Variants in TOP1 observed in about 807,000 individuals in gnomAD.
TOP1 encodes DNA topoisomerase 1.
Under a neutral mutation model 111.1 loss-of-function variants are expected in TOP1, and 10 were observed. The ratio of observed to expected loss-of-function variants is 0.09; its 90% CI spans 0.06 to 0.15. TOP1 has a LOEUF of 0.15. Among genes scored for constraint, TOP1 ranks in the 10% least tolerant of loss-of-function variants. The pLI, the probability that TOP1 is intolerant of heterozygous loss-of-function variation, is 1.00. For missense variants in TOP1, 474 were observed against 926.7 expected, an observed-to-expected ratio of 0.51 and a Z score of 6.34; for synonymous variants, 271 against 302.9, an observed-to-expected ratio of 0.89 and a Z score of 1.10.
chr20:41,077,861 T>C (rs1447724226), intron 5 of TOP1, among the ~76,000 whole-genome samples: 3 of 151,846 alleles, frequency 2.0e-5, no homozygotes, highest in African/African-American at 7.3e-5. Flanking sequence ...TTATTTCGAA[T>C]AGAGAAGGTT....
chr20:41,040,577 A>G (rs1448533673), intron 2 of TOP1, among the ~76,000 whole-genome samples: 1 of 152,088 alleles, frequency 6.6e-6, no homozygotes, highest in African/African-American at 2.4e-5. Flanking sequence ...GGCACCCCAC[A>G]CTGAGAAGTC....
rs201329260 is a variant in TOP1 at position 41,121,570 on chromosome 20, G to GT, written c.1951-117dup. 2,611 of 736,094 alleles carry GT rather than the reference G, an allele frequency of 3.5e-3. 26 individuals are homozygous for GT. The highest frequency in any genetic ancestry group is 0.028 in the African/African-American group (1,592 of 56,790). The allele number at this position is 736,094 out of a possible 1,614,324, so 45.6% of individuals were successfully genotyped here. On this transcript the variant is annotated intron_variant, in intron 18 of 20. Transcript: ENST00000361337. The surrounding 1 kb of genome is among the most constrained non-coding windows in gnomAD (Gnocchi z 4.2). ...TCCCTGCCTTCATGAAGCCACCCTT[G>GT]TTTTTTTTTATCTGACAAACCACTG...
rs772797218 is a variant in TOP1, at chr20:41,079,105, A to C, written c.336-980A>C. Among the ~76,000 whole-genome samples the C allele has an allele frequency of 2.0e-5, 3 of 152,240 alleles. No homozygotes were observed. Among genetic ancestry groups the C allele is most frequent in the Non-Finnish European group, 4.4e-5 (3 of 68,038 alleles). ...GGGTGCTAAAATAAGTTCTTTAAAC[A>C]TTCAAATTCTATCACAAGCAAGGGG... On this transcript the variant is annotated intron_variant, in intron 5 of 20. Coordinates refer to ENST00000361337, the MANE Select transcript of TOP1 (RefSeq NM_003286.4). The surrounding 1 kb of genome is among the most constrained non-coding windows in gnomAD (Gnocchi z 4.0).
At chr20:41,042,433 C>T (rs754438691) in intron 2 of TOP1, among the ~76,000 whole-genome samples, 16 of 152,038 alleles carry the variant, frequency 1.1e-4, no homozygotes, top group Admixed American at 3.3e-4. Context: ...GTTACTTTTT[C>T]GGATTGGGTG....
chr20:41,063,390 G>T (rs2033569369), intron 3 of TOP1, among the ~76,000 whole-genome samples: 1 of 152,196 alleles, frequency 6.6e-6, no homozygotes, highest in Non-Finnish European at 1.5e-5. Flanking sequence ...GAACAGAGCT[G>T]CAGTGAACAT....
intron 8 of TOP1, among the ~76,000 whole-genome samples, chr20:41,088,679 G>T (rs985999875): frequency 4.6e-5 from 7 of 152,026 alleles, no homozygotes; most frequent in African/African-American, 1.7e-4. Flanking sequence ...TCTCTATTTG[G>T]AGAGTAATAG....
At chr20:41,081,391 G>A (rs1373982709) in intron 7 of TOP1, 151 bp downstream of exon 7, 2 of 961,644 alleles carry the variant, frequency 2.1e-6, no homozygotes, top group Non-Finnish European at 2.9e-6. Flanking sequence ...CTGTGGCACT[G>A]GTAGTTTTAA....
At position 41,029,460 on chromosome 20, in the gene TOP1, G is replaced by A. The variant is rs762555907; in HGVS notation, c.58+5G>A. The A allele has an allele frequency of 7.8e-6, 12 of 1,539,804 alleles. No homozygotes were observed. Among genetic ancestry groups the A allele is most frequent in the Non-Finnish European group, 1.0e-5 (12 of 1,144,674 alleles). ...AAGCGGATTTCCGATTGAATGGTGAGTGTGCCCCCTGCGCCGACTCCGGGG... is the reference window on the plus strand; with the variant it reads ...AAGCGGATTTCCGATTGAATGGTGAATGTGCCCCCTGCGCCGACTCCGGGG... On this transcript the variant is annotated splice_donor_5th_base_variant and intron_variant, in intron 2 of 20. Coordinates refer to ENST00000361337, the MANE Select transcript of TOP1 (RefSeq NM_003286.4). This position sits in a 1 kb window ranked among gnomAD's most constrained non-coding sequence, Gnocchi z 6.1.
rs775877929 is a variant in TOP1, at chr20:41,112,826, A to G, written c.1353A>G (p.Lys451=). The G allele has an allele frequency of 6.2e-7, 1 of 1,614,130 alleles. No individual in the cohort carries two copies. The highest frequency in any genetic ancestry group is 2.2e-5 in the East Asian group (1 of 44,904). ...AATACGAGACTGCTCGGCGGCTGAA[A>G]AAATGTGTGGACAAGATCCGGAACC... The part of the protein sequence containing the change: ...WQKYETARRL[K]KCVDKIRNQY... The change falls in exon 14 of 21, where the codon AAA becomes AAG. Residue 451 remains lysine, a synonymous_variant. Transcript: ENST00000361337. The surrounding 1 kb of genome is among the most constrained non-coding windows in gnomAD (Gnocchi z 5.8).
chr20:41,112,774 C>T lies in TOP1; in HGVS notation c.1309-8C>T. On this transcript the variant is annotated splice_region_variant and splice_polypyrimidine_tract_variant and intron_variant, in intron 13 of 20. Coordinates refer to ENST00000361337, the MANE Select transcript of TOP1 (RefSeq NM_003286.4). This position sits in a 1 kb window ranked among gnomAD's most constrained non-coding sequence, Gnocchi z 5.8. Reference sequence around the variant, plus strand: ...AAGTAATCTACATTTGGGTTTGGGTCTTTACAGGGTGAGAAGGACTGGCAG... The same window carrying T: ...AAGTAATCTACATTTGGGTTTGGGTTTTTACAGGGTGAGAAGGACTGGCAG... 1 of 1,613,946 alleles carries T rather than the reference C, an allele frequency of 6.2e-7. No individual in the cohort carries two copies. The highest frequency in any genetic ancestry group is 8.5e-7 in the Non-Finnish European group (1 of 1,179,886).
At chr20:41,042,869 A>C (rs1346924357) in intron 2 of TOP1, among the ~76,000 whole-genome samples, 1 of 152,232 alleles carries the variant, frequency 6.6e-6, no homozygotes, top group Admixed American at 6.5e-5. Flanking sequence ...TATTAAGAAA[A>C]TTGTAAGGAA....
rs2034056607 is a variant in TOP1 at position 41,101,077 on chromosome 20, G to A, written c.1164-132G>A. On this transcript the variant is annotated intron_variant, in intron 12 of 20. Transcript: ENST00000361337. The surrounding 1 kb of genome is among the most constrained non-coding windows in gnomAD (Gnocchi z 4.1). Reference sequence around the variant, plus strand: ...GGGTAAGTAAAACCATGCATAAGGTGGGACTACTGTATTGACTGTTAAGAA... The same window carrying A: ...GGGTAAGTAAAACCATGCATAAGGTAGGACTACTGTATTGACTGTTAAGAA... The A allele has an allele frequency of 7.4e-6, 6 of 807,416 alleles. No individual in the cohort carries two copies. The highest frequency in any genetic ancestry group is 2.6e-4 in the Middle Eastern group (1 of 3,800). The allele number at this position is 807,416 out of a possible 1,614,324, so 50.0% of individuals were successfully genotyped here.
chr20:41,081,106 T>C (rs2033783477), intron 6 of TOP1, 59 bp from the exon 7 acceptor site: 10 of 1,521,678 alleles, frequency 6.6e-6, no homozygotes, highest in Admixed American at 2.1e-5. Context: ...AGGTCTCCTA[T>C]GAGTGAGAAC....
chr20:41,054,433 C>T (rs2033444108), intron 2 of TOP1, among the ~76,000 whole-genome samples: 1 of 152,160 alleles, frequency 6.6e-6, no homozygotes, highest in South Asian at 2.1e-4. Context: ...AACTGTGAGT[C>T]AATTAAACCT....
intron 9 of TOP1, among the ~76,000 whole-genome samples, chr20:41,093,880 TTG>T (rs2033949719): frequency 6.6e-6 from 1 of 152,002 alleles, no homozygotes; most frequent in Non-Finnish European, 1.5e-5. Context: ...AAGCTGAAAT[TTG>T]TTTTTTAAAA....
At chr20:41,037,952 T>G (rs2033210034) in intron 2 of TOP1, among the ~76,000 whole-genome samples, 1 of 152,046 alleles carries the variant, frequency 6.6e-6, no homozygotes, top group East Asian at 1.9e-4. Flanking sequence ...TTTTAAAGAG[T>G]CTTCAAAGAT....
chr20:41,045,651 A>G lies in TOP1; in HGVS notation c.59-15743A>G, dbSNP rs1443863597. ...TTAAAATGGTTAGTTTTATCCCACAACTTCATTTGAAATTGTAAGTTTCTA... is the reference window on the plus strand; with the variant it reads ...TTAAAATGGTTAGTTTTATCCCACAGCTTCATTTGAAATTGTAAGTTTCTA... On this transcript the variant is annotated intron_variant, in intron 2 of 20. Transcript: ENST00000361337. Among the ~76,000 whole-genome samples the G allele has an allele frequency of 2.6e-5, 4 of 152,176 alleles. No homozygotes were observed. In the East Asian group the frequency reaches 5.8e-4, roughly 22 times the overall value.
Position 41,101,393 on chromosome 20 carries a change from G to A in TOP1, c.1308+40G>A. 6.3e-7 allele frequency: 1 copy of A among 1,581,808 alleles called. No individual in the cohort carries two copies. ...GAGAGCTGCACTGGTTCATGGTGCT[G>A]ATAACCTTTTTTTGTTGAAATGTAA... is the stretch of plus-strand genomic sequence containing the variant. On this transcript the variant is annotated intron_variant, in intron 13 of 20. Coordinates refer to ENST00000361337, the MANE Select transcript of TOP1 (RefSeq NM_003286.4). This position sits in a 1 kb window ranked among gnomAD's most constrained non-coding sequence, Gnocchi z 4.1.
intron 4 of TOP1, 70 bp downstream of exon 4, chr20:41,076,364 T>C (rs1448587657): frequency 6.5e-7 from 1 of 1,528,664 alleles, no homozygotes. Context: ...AGCAGATATC[T>C]TAATTGCATA....
Sources: allele counts gnomAD v4.1 joint callset (sites outside exome capture counted in the v4.1 genomes callset), GRCh38; gene constraint gnomAD v4.1.1; non-coding constraint Gnocchi (gnomAD v3.1); transcripts MANE v1.5; gene names NCBI Gene and HGNC (gene_info 2026-07-23, HGNC 2026-07-21).